GHR: variants seen among roughly 807,000 people sequenced by gnomAD.
The protein encoded by GHR is growth hormone receptor.
GHR carries 35 observed loss-of-function variants against 67.1 expected under a neutral mutation model. The ratio of observed to expected loss-of-function variants is 0.52; its 90% CI spans 0.40 to 0.69. The LOEUF (loss-of-function observed/expected upper bound fraction) is 0.69. GHR is among the 30% of genes least tolerant of loss of function. The pLI is 0.00. For missense variants in GHR, 792 were observed against 764.6 expected (o/e 1.04, Z -0.42); for synonymous variants, 272 against 269.1 (o/e 1.01, Z -0.10).
At chr5:42,622,216 G>C (rs1753482641) in intron 2 of GHR, among the ~76,000 whole-genome samples, 1 of 152,066 alleles carries the variant, frequency 6.6e-6, no homozygotes. Context: ...ATCCCTGAAG[G>C]GTATTTCTGC....
Position 42,564,325 on chromosome 5 carries a change from T to TGTGTGAGATTTATTTGAAATCTCACAAA in GHR, c.-11-1512_-11-1511insAGTGTGAGATTTATTTGAAATCTCACAA, listed in dbSNP as rs1561125653. ...GTGAGATTTATTTGAAATCTCACAATGTGTGAGATTTATTTGAAATCTCAC... is the reference window on the plus strand; with the variant it reads ...GTGAGATTTATTTGAAATCTCACAATGTGTGAGATTTATTTGAAATCTCACAAAGTGTGAGATTTATTTGAAATCTCAC... On this transcript the variant is annotated intron_variant, in intron 1 of 9. Transcript: ENST00000230882. 6.5e-4 allele frequency among the ~76,000 whole-genome samples: 30 copies of TGTGTGAGATTTATTTGAAATCTCACAAA among 46,292 alleles called. 1 individual carries two copies. The highest frequency in any genetic ancestry group is 3.3e-3 in the African/African-American group (23 of 7,056). The allele number at this position is 46,292 out of a possible 152,430, so 30.4% of individuals were successfully genotyped here.
rs116570345 is a variant in GHR, at chr5:42,658,399, G to T, written c.136+29296G>T. Among the ~76,000 whole-genome samples the T allele has an allele frequency of 3.7e-3, 568 of 152,206 alleles. 2 individuals carry two copies. Among genetic ancestry groups the T allele is most frequent in the African/African-American group, 0.013 (551 of 41,520 alleles). On this transcript the variant is annotated intron_variant, in intron 3 of 9. Coordinates refer to ENST00000230882, the MANE Select transcript of GHR (RefSeq NM_000163.5). The stretch of plus-strand genomic sequence containing the variant: ...AAGTTTCCTTCTCTGTAAAATGAGG[G>T]TTATAATAATATATACAGCATACTC...
intron 1 of GHR, among the ~76,000 whole-genome samples, chr5:42,483,097 CTCA>C (rs1745727272): frequency 6.6e-6 from 1 of 152,190 alleles, no homozygotes; most frequent in South Asian, 2.1e-4. Context: ...GAGACAGGGT[CTCA>C]CTTTGTCATC....
At chr5:42,594,267 C>G (rs943510260) in intron 2 of GHR, among the ~76,000 whole-genome samples, 2 of 152,146 alleles carry the variant, frequency 1.3e-5, no homozygotes, top group Non-Finnish European at 2.9e-5. Context: ...CTTATACTTT[C>G]TTTTATGCTT....
chr5:42,533,608 AT>A (rs1354072444), intron 1 of GHR, among the ~76,000 whole-genome samples: 1 of 151,840 alleles, frequency 6.6e-6, no homozygotes, highest in East Asian at 1.9e-4. Flanking sequence ...TTCACCCGGA[AT>A]TTTTTATATG....
At chr5:42,622,102 GAT>G (rs1580073060) in intron 2 of GHR, among the ~76,000 whole-genome samples, 1 of 152,172 alleles carries the variant, frequency 6.6e-6, no homozygotes, top group East Asian at 1.9e-4. Context: ...CCAAAAAGAG[GAT>G]TGCTGCCTGA....
intron 1 of GHR, among the ~76,000 whole-genome samples, chr5:42,477,438 G>C (rs992133456): frequency 2.6e-5 from 4 of 152,132 alleles, no homozygotes; most frequent in African/African-American, 9.7e-5. Flanking sequence ...TTTAGTTCTA[G>C]ATCCCTGAGG....
chr5:42,619,316 G>T (rs1045899746), intron 2 of GHR, among the ~76,000 whole-genome samples: 1 of 151,784 alleles, frequency 6.6e-6, no homozygotes, highest in African/African-American at 2.4e-5. Flanking sequence ...CTCTACTCCT[G>T]CCACACATAC....
chr5:42,552,679 A>G (rs1467266388), intron 1 of GHR, among the ~76,000 whole-genome samples: 1 of 152,164 alleles, frequency 6.6e-6, no homozygotes, highest in Admixed American at 6.5e-5. Flanking sequence ...AAGCAATTTC[A>G]TTTCATCTGA....
chr5:42,434,106 C>T (rs896596831), intron 1 of GHR, among the ~76,000 whole-genome samples: 2 of 152,148 alleles, frequency 1.3e-5, no homozygotes, highest in East Asian at 1.9e-4. Flanking sequence ...AAGATGCCAA[C>T]AATATGACTT....
chr5:42,613,116 C>T (rs1752966887), intron 2 of GHR, among the ~76,000 whole-genome samples: 1 of 152,100 alleles, frequency 6.6e-6, no homozygotes, highest in Non-Finnish European at 1.5e-5. Context: ...TGGTATTTCT[C>T]TTCCTGTAAC....
rs973021039 is a variant in GHR at position 42,615,741 on chromosome 5, C to A, written c.71-13297C>A. ...TAGAAATTTGGAAAAAAACAAAAAA[C>A]AAAAAAAAAAAAACATAGAATTAAT... On this transcript the variant is annotated intron_variant, in intron 2 of 9. Coordinates refer to ENST00000230882, the MANE Select transcript of GHR (RefSeq NM_000163.5). Among the ~76,000 whole-genome samples the A allele has an allele frequency of 6.4e-3, 831 of 130,462 alleles. 6 individuals carry two copies. The highest frequency in any genetic ancestry group is 0.018 in the African/African-American group (680 of 37,570). 85.6% of individuals were successfully genotyped at this position (130,462 alleles called of 152,430 possible). A position where few individuals can be genotyped will look rare whatever the true frequency, so the allele number is the denominator to read the frequency against.
At chr5:42,662,854 A>G (rs372738966) in intron 3 of GHR, among the ~76,000 whole-genome samples, 149 of 152,318 alleles carry the variant, frequency 9.8e-4, no homozygotes, top group African/African-American at 3.5e-3. Flanking sequence ...TTGATAGACC[A>G]CTAGCAAGAC....
chr5:42,464,044 G>A (rs1414095378), intron 1 of GHR, among the ~76,000 whole-genome samples: 1 of 116,434 alleles, frequency 8.6e-6, no homozygotes, highest in African/African-American at 3.4e-5. Context: ...GTGTTACCTT[G>A]TTGATATTAC....
At chr5:42,669,041 A>G (rs1756140679) in intron 3 of GHR, among the ~76,000 whole-genome samples, 1 of 152,192 alleles carries the variant, frequency 6.6e-6, no homozygotes, top group African/African-American at 2.4e-5. Context: ...AGCAAAAATC[A>G]TTAAGAAACA....
At chr5:42,714,559 A>G (rs963099505) in intron 8 of GHR, among the ~76,000 whole-genome samples, 2 of 152,200 alleles carry the variant, frequency 1.3e-5, no homozygotes, top group African/African-American at 2.4e-5. Flanking sequence ...CTATAGTGTC[A>G]AGCATGCTAA....
intron 1 of GHR, among the ~76,000 whole-genome samples, chr5:42,540,221 G>A (rs1301196787): frequency 1.8e-5 from 2 of 108,546 alleles, no homozygotes; most frequent in African/African-American, 6.6e-5. Flanking sequence ...CTCTCTCTCT[G>A]TATCTCTCTT....
At chr5:42,671,108 C>A (rs1174124484) in intron 3 of GHR, among the ~76,000 whole-genome samples, 1 of 152,006 alleles carries the variant, frequency 6.6e-6, no homozygotes, top group African/African-American at 2.4e-5. Flanking sequence ...GGTGTTCTAG[C>A]ATGCTATTAA....
intron 1 of GHR, among the ~76,000 whole-genome samples, chr5:42,432,976 G>T (rs1379916201): frequency 3.3e-5 from 5 of 152,170 alleles, no homozygotes; most frequent in Non-Finnish European, 7.4e-5. Context: ...GAGGGCAAAA[G>T]GATGTAGATA....
Sources: allele counts gnomAD v4.1 joint callset (sites outside exome capture counted in the v4.1 genomes callset), GRCh38; gene constraint gnomAD v4.1.1; transcripts MANE v1.5; gene names NCBI Gene and HGNC (gene_info 2026-07-23, HGNC 2026-07-21).